Variants in ANAPC15 observed in about 807,000 individuals in gnomAD.
ANAPC15 encodes the protein anaphase-promoting complex subunit 15.
A neutral mutation model predicts 19.8 loss-of-function variants in ANAPC15; 13 were observed. The ratio of observed to expected loss-of-function variants is 0.66; its 90% confidence interval spans 0.43 to 1.04. The LOEUF is 1.04. ANAPC15 is among the 50% of genes least tolerant of loss of function. The probability of loss-of-function intolerance (pLI) is 0.00; values close to 1 mark genes in which losing one functional copy is unlikely to be tolerated. For missense variants in ANAPC15, 88 were observed against 150.3 expected, an observed-to-expected ratio of 0.59 and a Z score of 2.17; for synonymous variants, 45 against 50.7, an observed-to-expected ratio of 0.89 and a Z score of 0.47.
downstream of ANAPC15, chr11:72,107,481 A>G: frequency 1.4e-6 from 1 of 702,952 alleles, no homozygotes; most frequent in South Asian, 1.5e-5. Context: ...TGGGGGTGGG[A>G]AGGGCAAAGC....
chr11:72,108,710 T>A, downstream of ANAPC15: 2 of 1,549,668 alleles, frequency 1.3e-6, no homozygotes, highest in South Asian at 2.4e-5. Flanking sequence ...GCCACGATGT[T>A]ACCTGAGGGA....
At chr11:72,108,783 T>C, downstream of ANAPC15, 3 of 1,550,536 alleles carry the variant, frequency 1.9e-6, no homozygotes, top group Non-Finnish European at 2.6e-6. Context: ...GCTGACCATG[T>C]GCTCTTCCCT....
rs1486565526 is a variant in ANAPC15, at chr11:72,110,563, A to G, written c.161T>C (p.Ile54Thr). ...IAEKDNNLVP[I>T]GKPASEHYDD... ...ACTCACCTCTGAGGCTGGCTTGCCA[A>G]TAGGAACCAGGTTGTTGTCTTTCTC... is the stretch of plus-strand genomic sequence containing the variant. The change falls in exon 4 of 6, where the codon ATT (isoleucine) becomes ACT (threonine). Residue 54 changes from isoleucine to threonine, a missense_variant. By Grantham distance (89) the Ile-to-Thr change is moderately conservative (BLOSUM62 -1). Coordinates refer to ENST00000227618, the MANE Select transcript of ANAPC15 (RefSeq NM_014042.3). 3.7e-6 allele frequency: 6 copies of G among 1,614,232 alleles called. No individual in the cohort carries two copies. In the Admixed American group the frequency reaches 6.7e-5, roughly 18 times the overall value.
At chr11:72,110,439 T>C in intron 4 of ANAPC15, 105 bp downstream of exon 4, 1 of 1,556,742 alleles carries the variant, frequency 6.4e-7, no homozygotes, top group Non-Finnish European at 8.8e-7. Flanking sequence ...TACCCAGATC[T>C]GAGAACCACA....
downstream of ANAPC15, chr11:72,107,333 G>C: frequency 1.6e-6 from 1 of 618,632 alleles, no homozygotes; most frequent in Non-Finnish European, 2.9e-6. Context: ...CAATAAAAGG[G>C]GAATGAAACT....
At chr11:72,107,863 T>C (rs939088804), downstream of ANAPC15, 1 of 1,537,514 alleles carries the variant, frequency 6.5e-7, no homozygotes, top group Non-Finnish European at 8.8e-7. Flanking sequence ...TGAGATATCT[T>C]TTATCAGGGG....
At chr11:72,109,007 T>G (rs1479083021), downstream of ANAPC15, 1 of 1,260,464 alleles carries the variant, frequency 7.9e-7, no homozygotes, top group Non-Finnish European at 1.1e-6. Context: ...CCTTTCCTGT[T>G]TGGGGCCTTG....
downstream of ANAPC15, among the ~76,000 whole-genome samples, chr11:72,108,271 C>T (rs1458374178): frequency 2.0e-5 from 3 of 152,156 alleles, no homozygotes; most frequent in Admixed American, 6.5e-5. Context: ...CCCTCCTGTC[C>T]CAAGTCATCT....
downstream of ANAPC15, chr11:72,107,797 C>A: frequency 9.9e-7 from 1 of 1,014,456 alleles, no homozygotes; most frequent in Non-Finnish European, 1.5e-6. Flanking sequence ...GGCTATGGTA[C>A]AAGAGACAGA....
chr11:72,108,142 C>G, downstream of ANAPC15: 1 of 1,474,290 alleles, frequency 6.8e-7, no homozygotes. Flanking sequence ...TCTCCCCAAC[C>G]CAGATTTTTG....
chr11:72,108,241 G>T, downstream of ANAPC15: 1 of 875,068 alleles, frequency 1.1e-6, no homozygotes, highest in Non-Finnish European at 1.7e-6. Flanking sequence ...CTGTGATGCT[G>T]GATGGTGTGT....
At chr11:72,112,715 A>T (rs948813907), upstream of ANAPC15, 4 of 456,678 alleles carry the variant, frequency 8.8e-6, no homozygotes, top group South Asian at 6.2e-5. Context: ...GGAAGAACCC[A>T]CCAGAATCCG....
At chr11:72,109,230 T>G, downstream of ANAPC15, 1 of 463,696 alleles carries the variant, frequency 2.2e-6, no homozygotes. Flanking sequence ...AATCCCCACC[T>G]TGCTCTGAGA....
chr11:72,108,140 A>T (rs547513437), downstream of ANAPC15: 1 of 1,473,710 alleles, frequency 6.8e-7, no homozygotes, highest in South Asian at 1.4e-5. Context: ...CATCTCCCCA[A>T]CCCAGATTTT....
At chr11:72,108,541 G>C, downstream of ANAPC15, 1 of 1,385,026 alleles carries the variant, frequency 7.2e-7, no homozygotes, top group Non-Finnish European at 9.5e-7. Context: ...CCAGATCCTG[G>C]TGGGGTCTTG....
chr11:72,112,558 C>G (rs1947303693), intron 1 of ANAPC15, 92 bp downstream of exon 1: 1 of 418,542 alleles, frequency 2.4e-6, no homozygotes, highest in Middle Eastern at 3.5e-4. Context: ...ATATGGAGCT[C>G]CTGGGGAGTC....
chr11:72,109,821 G>A lies in ANAPC15; in HGVS notation c.*60C>T. 1 of 1,601,304 alleles carries A rather than the reference G, an allele frequency of 6.2e-7. No individual in the cohort carries two copies. Among genetic ancestry groups the A allele is most frequent in the Non-Finnish European group, 8.5e-7 (1 of 1,170,060 alleles). ...GTTCTGTGGGCAGGGGTTGGGGGTT[G>A]GGATGCAGGGTAGTTTGGGCTGGCC... On this transcript the variant is annotated 3_prime_UTR_variant, in exon 6 of 6. Coordinates refer to ENST00000227618, the MANE Select transcript of ANAPC15 (RefSeq NM_014042.3).
In ANAPC15 at chr11:72,109,725, A is replaced by C. The variant is rs1349243654; in HGVS notation, c.*156T>G. ...GCAGACTGATGGCCTGGGAGGGGCCAAAGAGACCAGATCCTGGCAGCAGCT... is the reference window on the plus strand; with the variant it reads ...GCAGACTGATGGCCTGGGAGGGGCCCAAGAGACCAGATCCTGGCAGCAGCT... On this transcript the variant is annotated 3_prime_UTR_variant, in exon 6 of 6. Coordinates refer to ENST00000227618, the MANE Select transcript of ANAPC15 (RefSeq NM_014042.3). 4 of 882,696 alleles carry C rather than the reference A, an allele frequency of 4.5e-6. No individual in the cohort carries two copies. Among genetic ancestry groups the C allele is most frequent in the Non-Finnish European group, 7.2e-6 (4 of 552,916 alleles). 54.7% of individuals were successfully genotyped at this position (882,696 alleles called of 1,614,324 possible).
intron 3 of ANAPC15, 129 bp from the exon 4 acceptor site, chr11:72,110,732 G>C (rs1946599667): frequency 1.1e-6 from 1 of 904,642 alleles, no homozygotes; most frequent in Non-Finnish European, 1.7e-6. Context: ...AGTTCTCAGG[G>C]AGATACAATC....
Sources: allele counts gnomAD v4.1 joint callset (sites outside exome capture counted in the v4.1 genomes callset), GRCh38; gene constraint gnomAD v4.1.1; transcripts MANE v1.5; gene names NCBI Gene and HGNC (gene_info 2026-07-23, HGNC 2026-07-21).